The following HDAC9 variants were observed in gnomAD, a reference collection of about 807,000 sequenced individuals.
HDAC9 encodes histone deacetylase 9, also known as MEF-2 interacting transcription repressor (MITR) protein.
Under a neutral mutation model 139.4 loss-of-function variants are expected in HDAC9, and 41 were observed. The observed-to-expected ratio is 0.29, with a 90% CI of 0.23 to 0.38. HDAC9 has a LOEUF of 0.38. Ranked by LOEUF, HDAC9 falls within the 10% of genes least tolerant of loss-of-function variation. The pLI is 1.00. For missense variants in HDAC9, 1,147 were observed against 1,297.0 expected, an observed-to-expected ratio of 0.88 and a Z score of 1.78; for synonymous variants, 517 against 476.2, an observed-to-expected ratio of 1.09 and a Z score of -1.12.
intron 12 of HDAC9, chr7:18,667,856 C>G: frequency 2.0e-6 from 2 of 983,550 alleles, no homozygotes; most frequent in Non-Finnish European, 2.4e-6. Context: ...ATATGTTTAC[C>G]TTGTTTTATA....
chr7:18,969,716 AAC>A (rs201584037), intron 24 of HDAC9, among the ~76,000 whole-genome samples: 2,361 of 152,294 alleles, frequency 0.016, 52 homozygotes, highest in African/African-American at 0.054. Context: ...TAAAAGTCCG[AAC>A]TTTGGATGGA....
chr7:18,116,797 A>G (rs1004499768), intron 1 of HDAC9, among the ~76,000 whole-genome samples: 1 of 152,178 alleles, frequency 6.6e-6, no homozygotes, highest in African/African-American at 2.4e-5. Flanking sequence ...ATCTTGCTGC[A>G]TGACCTTGGG....
intron 1 of HDAC9, among the ~76,000 whole-genome samples, chr7:18,396,777 A>G (rs557476161): frequency 1.3e-5 from 2 of 152,296 alleles, no homozygotes; most frequent in East Asian, 3.9e-4. Flanking sequence ...TACATGGGAA[A>G]AATACTTCAG....
In HDAC9 at chr7:18,202,048, C is replaced by T. The variant is rs17138772; in HGVS notation, c.25+39699C>T. Among the ~76,000 whole-genome samples the T allele has an allele frequency of 2.9e-4, 44 of 152,294 alleles. No individual in the cohort carries two copies. The East Asian group carries it at 8.3e-3, about 29-fold the overall frequency. On this transcript the variant is annotated intron_variant, in intron 2 of 12. Transcript: ENST00000417496. ...AGAGAAAGTTGGGAAAGACTTTTAC[C>T]TCTCTGTTTACATCTTTGTTTAAGC...
chr7:18,595,657 T>C (rs1222751765), intron 6 of HDAC9, among the ~76,000 whole-genome samples: 1 of 152,012 alleles, frequency 6.6e-6, no homozygotes, highest in Non-Finnish European at 1.5e-5. Context: ...AGTGATATAG[T>C]TACATTCACA....
At chr7:18,222,439 T>G (rs1346121363) in intron 2 of HDAC9, among the ~76,000 whole-genome samples, 1 of 152,154 alleles carries the variant, frequency 6.6e-6, no homozygotes, top group Non-Finnish European at 1.5e-5. Flanking sequence ...AAGTAATTAT[T>G]ATGAGCTTCT....
At chr7:18,950,800 A>G (rs1782739773) in intron 23 of HDAC9, among the ~76,000 whole-genome samples, 1 of 152,044 alleles carries the variant, frequency 6.6e-6, no homozygotes, top group African/African-American at 2.4e-5. Flanking sequence ...TGAAAAAAAT[A>G]GAATTCAGAG....
rs1033192136 is a variant in HDAC9, at chr7:18,133,955, C to T, written c.-96-28274C>T. On this transcript the variant is annotated intron_variant, in intron 1 of 12. Transcript: ENST00000417496. ...GTGCACACACACACACACACACACA[C>T]ACATCTCTAGCCTTTCATCCATCTA... Among the ~76,000 whole-genome samples, 6 of 151,016 alleles carry T rather than the reference C, an allele frequency of 4.0e-5. 1 individual carries two copies. The highest frequency in any genetic ancestry group is 4.0e-4 in the Admixed American group (6 of 15,104).
intron 21 of HDAC9, among the ~76,000 whole-genome samples, chr7:18,869,980 T>C (rs1400955510): frequency 6.6e-6 from 1 of 152,022 alleles, no homozygotes; most frequent in South Asian, 2.1e-4. Context: ...CCTCTTTAAT[T>C]GCTATAATTT....
chr7:18,191,407 T>C (rs1790340970), intron 2 of HDAC9, among the ~76,000 whole-genome samples: 1 of 152,222 alleles, frequency 6.6e-6, no homozygotes, highest in Admixed American at 6.5e-5. Flanking sequence ...CATAGTCTTA[T>C]CACTCTGTAT....
intron 2 of HDAC9, among the ~76,000 whole-genome samples, chr7:18,562,218 A>T (rs1000336268): frequency 2.6e-5 from 4 of 152,016 alleles, no homozygotes; most frequent in African/African-American, 9.7e-5. Flanking sequence ...ATTTTATTTT[A>T]TACACTCTGA....
chr7:18,611,029 G>C (rs551293029), intron 6 of HDAC9, among the ~76,000 whole-genome samples: 94 of 152,146 alleles, frequency 6.2e-4, no homozygotes, highest in African/African-American at 2.1e-3. Context: ...GAAATCCTTC[G>C]TTTTTTGAAA....
intron 2 of HDAC9, among the ~76,000 whole-genome samples, chr7:18,193,057 A>G (rs1357318397): frequency 1.3e-5 from 2 of 152,206 alleles, no homozygotes; most frequent in Admixed American, 6.5e-5. Context: ...ATCTTTTACA[A>G]TTTTTCACCC....
intron 25 of HDAC9, among the ~76,000 whole-genome samples, chr7:18,987,716 A>G (rs889297315): frequency 9.2e-5 from 14 of 151,942 alleles, no homozygotes; most frequent in Non-Finnish European, 1.8e-4. Context: ...TTTGGTTGGT[A>G]AGCTATTGAT....
At chr7:18,244,994 C>CCTCTATCT (rs71553924) in intron 2 of HDAC9, among the ~76,000 whole-genome samples, 2,914 of 148,042 alleles carry the variant, frequency 0.02, 115 homozygotes, top group African/African-American at 0.066. Flanking sequence ...ATCTAATCTG[C>CCTCTATCT]ATCTATCTAT....
chr7:18,413,127 G>A (rs1160884106), intron 1 of HDAC9, among the ~76,000 whole-genome samples: 2 of 152,112 alleles, frequency 1.3e-5, no homozygotes, highest in African/African-American at 4.8e-5. Flanking sequence ...AAATAGGAAA[G>A]TTTTCATCGC....
intron 22 of HDAC9, among the ~76,000 whole-genome samples, chr7:18,910,063 A>C (rs1166286817): frequency 6.6e-6 from 1 of 151,952 alleles, no homozygotes; most frequent in East Asian, 1.9e-4. Context: ...GAAGTCCCCA[A>C]CTATTGTTGT....
chr7:18,349,376 C>T (rs1782681093), intron 1 of HDAC9, among the ~76,000 whole-genome samples: 1 of 148,274 alleles, frequency 6.7e-6, no homozygotes, highest in Admixed American at 6.7e-5. Context: ...ATTGCCCTTC[C>T]TCCTTGCTGG....
chr7:18,869,576 A>G (rs1798758218), intron 21 of HDAC9, among the ~76,000 whole-genome samples: 2 of 152,096 alleles, frequency 1.3e-5, no homozygotes, highest in African/African-American at 4.8e-5. Context: ...TAGCAGTGCA[A>G]GAACAGACTA....
Sources: allele counts gnomAD v4.1 joint callset (sites outside exome capture counted in the v4.1 genomes callset), GRCh38; gene constraint gnomAD v4.1.1; transcripts MANE v1.5; gene names NCBI Gene and HGNC (gene_info 2026-07-23, HGNC 2026-07-21).